Variants in ADAMTSL3 observed in about 807,000 individuals in gnomAD.
The protein encoded by ADAMTSL3 is ADAMTS-like protein 3.
A neutral mutation model predicts 201.7 loss-of-function variants in ADAMTSL3; 128 were observed. That is an observed-to-expected ratio of 0.63 (90% CI 0.55 to 0.73). The LOEUF is 0.73. ADAMTSL3 is among the 30% of genes least tolerant of loss of function. ADAMTSL3 has a pLI of 0.00. For synonymous variants in ADAMTSL3, 738 were observed against 748.4 expected (o/e 0.99, Z 0.23); for missense variants, 1,990 against 2,119.6 (o/e 0.94, Z 1.20).
In ADAMTSL3 at chr15:83,982,834, G is replaced by GCAC; in HGVS notation, c.3209_3211dup (p.Thr1070dup). On this transcript the variant is annotated inframe_insertion, in exon 21 of 30. Transcript: ENST00000286744. ...GGCCACTGCAGCAATTCTGCAGGAA[G>GCAC]CACCAACTCCTGGGAGTTGAAGAAT... 1 of 1,614,116 alleles carries GCAC rather than the reference G, an allele frequency of 6.2e-7. No homozygotes were observed. Among genetic ancestry groups the GCAC allele is most frequent in the South Asian group, 1.1e-5 (1 of 91,084 alleles).
chr15:83,755,655 A>C (rs2062707493), intron 3 of ADAMTSL3, among the ~76,000 whole-genome samples: 1 of 152,116 alleles, frequency 6.6e-6, no homozygotes, highest in Non-Finnish European at 1.5e-5. Context: ...TTGCTTCTCT[A>C]CTTATTTGTC....
chr15:83,756,790 G>A (rs1007676272), intron 3 of ADAMTSL3, among the ~76,000 whole-genome samples: 13 of 152,214 alleles, frequency 8.5e-5, no homozygotes, highest in Non-Finnish European at 1.6e-4. Flanking sequence ...AAGATACAAT[G>A]GGGGAACAGG....
chr15:83,688,311 A>G (rs1009620500), intron 2 of ADAMTSL3, among the ~76,000 whole-genome samples: 6 of 152,256 alleles, frequency 3.9e-5, no homozygotes, highest in Non-Finnish European at 7.3e-5. Context: ...CTAGTTTTCA[A>G]CCAAACGTTA....
chr15:83,795,949 CACA>C (rs1473985119), intron 4 of ADAMTSL3, among the ~76,000 whole-genome samples: 1 of 151,984 alleles, frequency 6.6e-6, no homozygotes, highest in Non-Finnish European at 1.5e-5. Flanking sequence ...CACCAGCAGG[CACA>C]ACATTGATGA....
At chr15:83,843,736 C>G (rs1239270950) in intron 7 of ADAMTSL3, among the ~76,000 whole-genome samples, 2 of 152,148 alleles carry the variant, frequency 1.3e-5, no homozygotes, top group African/African-American at 4.8e-5. Context: ...GTTGGCACAG[C>G]CCTGCACTGG....
intron 28 of ADAMTSL3, among the ~76,000 whole-genome samples, 155 bp downstream of exon 28, chr15:84,031,587 T>C (rs557536441): frequency 6.6e-6 from 1 of 152,344 alleles, no homozygotes; most frequent in Admixed American, 6.5e-5. Flanking sequence ...TTCAATAGTA[T>C]ATATTATACT....
At chr15:84,004,590 G>A (rs2067858203) in intron 23 of ADAMTSL3, among the ~76,000 whole-genome samples, 2 of 152,102 alleles carry the variant, frequency 1.3e-5, no homozygotes, top group Non-Finnish European at 2.9e-5. Context: ...ACTCAAATTA[G>A]GAGTGAACCA....
Position 83,950,277 on chromosome 15 carries a change from G to A in ADAMTSL3, c.2490+7195G>A, listed in dbSNP as rs763402246. Among the ~76,000 whole-genome samples the A allele has an allele frequency of 3.3e-5, 5 of 152,172 alleles. No homozygotes were observed. The South Asian group carries it at 1.0e-3, about 32-fold the overall frequency. ...TTGAAGAGATTGTCCTTTCCCCAATGTATGATCTTGGCACCATTGTCAAAA... is the reference window on the plus strand; with the variant it reads ...TTGAAGAGATTGTCCTTTCCCCAATATATGATCTTGGCACCATTGTCAAAA... On this transcript the variant is annotated intron_variant, in intron 19 of 29. Transcript: ENST00000286744.
At chr15:83,766,701 A>G (rs1283635592) in intron 3 of ADAMTSL3, among the ~76,000 whole-genome samples, 5 of 152,336 alleles carry the variant, frequency 3.3e-5, no homozygotes, top group Admixed American at 1.3e-4. Context: ...CTGGGGTAAG[A>G]CAGAAAGCGC....
intron 2 of ADAMTSL3, among the ~76,000 whole-genome samples, chr15:83,676,200 T>G (rs1300058137): frequency 2.6e-5 from 4 of 152,168 alleles, no homozygotes; most frequent in Non-Finnish European, 4.4e-5. Flanking sequence ...TTGAGATCTT[T>G]TCTTTTTTTT....
In ADAMTSL3 at chr15:83,913,322, C is replaced by A. The variant is rs144583369; in HGVS notation, c.1931C>A (p.Thr644Lys). Residue 644 changes from threonine to lysine, a missense_variant, in exon 16 of 30, where the codon ACG becomes AAG. By Grantham distance (78) the Thr-to-Lys change is moderately conservative (BLOSUM62 -1). Transcript: ENST00000286744. Reference protein sequence around the residue: ...LDIPLPEDSETTYDWEYAGFT... With the variant: ...LDIPLPEDSEKTYDWEYAGFT... ...ATCCCTCTCCCTGAGGACAGTGAGA[C>A]GACTTACGACTGGGAGTACGCTGGG... 1.2e-6 allele frequency: 2 copies of A among 1,613,784 alleles called. No individual in the cohort carries two copies. Among genetic ancestry groups the A allele is most frequent in the Admixed American group, 1.7e-5 (1 of 60,008 alleles).
intron 9 of ADAMTSL3, among the ~76,000 whole-genome samples, chr15:83,883,465 G>A (rs1322675822): frequency 2.0e-5 from 3 of 151,364 alleles, no homozygotes; most frequent in Admixed American, 1.3e-4. Context: ...CAGCCACCAC[G>A]CCTGGCCCAC....
intron 2 of ADAMTSL3, among the ~76,000 whole-genome samples, chr15:83,659,611 G>A (rs2061136368): frequency 6.6e-6 from 1 of 152,138 alleles, no homozygotes; most frequent in African/African-American, 2.4e-5. Flanking sequence ...GTGGTAGGTT[G>A]CCTAATGACC....
intron 4 of ADAMTSL3, among the ~76,000 whole-genome samples, chr15:83,776,052 T>G (rs2063068197): frequency 6.6e-6 from 1 of 152,228 alleles, no homozygotes; most frequent in Non-Finnish European, 1.5e-5. Flanking sequence ...TTACATGGGC[T>G]GCTGCAGCTG....
At chr15:83,914,859 TTGTTTG>T (rs2066003670) in intron 16 of ADAMTSL3, among the ~76,000 whole-genome samples, 6 of 23,680 alleles carry the variant, frequency 2.5e-4, no homozygotes, top group African/African-American at 2.0e-3. Flanking sequence ...TTTTGTTTGT[TTGTTTG>T]TTTGTTTGTT....
At chr15:83,778,603 A>G (rs2063118321) in intron 4 of ADAMTSL3, among the ~76,000 whole-genome samples, 1 of 152,220 alleles carries the variant, frequency 6.6e-6, no homozygotes, top group South Asian at 2.1e-4. Flanking sequence ...GCCTTATAAG[A>G]GCTCCTGAAG....
At chr15:84,008,940 C>G (rs2067952703) in intron 23 of ADAMTSL3, among the ~76,000 whole-genome samples, 1 of 152,246 alleles carries the variant, frequency 6.6e-6, no homozygotes, top group East Asian at 1.9e-4. Flanking sequence ...CACACTACCC[C>G]ACCCCCATCA....
intron 4 of ADAMTSL3, among the ~76,000 whole-genome samples, chr15:83,801,514 T>C (rs771439971): frequency 1.7e-4 from 25 of 150,556 alleles, no homozygotes; most frequent in Non-Finnish European, 3.2e-4. Context: ...ATATTAAAAA[T>C]GTACTGGACA....
rs1177681635 is a variant in ADAMTSL3 at position 83,730,528 on chromosome 15, A to G, written c.189+26020A>G. Among the ~76,000 whole-genome samples, 3 of 152,110 alleles carry G rather than the reference A, an allele frequency of 2.0e-5. No homozygotes were observed. The East Asian group carries it at 5.8e-4, about 29-fold the overall frequency. ...CGGAGGTCAGATGCTGGAATGGAGA[A>G]TAGTGTAAAAGAAGCCAAGCACAGT... On this transcript the variant is annotated intron_variant, in intron 3 of 29. Transcript: ENST00000286744.
Sources: allele counts gnomAD v4.1 joint callset (sites outside exome capture counted in the v4.1 genomes callset), GRCh38; gene constraint gnomAD v4.1.1; transcripts MANE v1.5; gene names NCBI Gene and HGNC (gene_info 2026-07-23, HGNC 2026-07-21).